ETFDH: variants seen among roughly 807,000 people sequenced by gnomAD.
ETFDH encodes the protein electron transfer flavoprotein-ubiquinone oxidoreductase, mitochondrial.
A neutral mutation model predicts 73.2 loss-of-function variants in ETFDH; 61 were observed. The observed-to-expected ratio is 0.83, with a 90% CI of 0.68 to 1.03. ETFDH has a LOEUF of 1.03. ETFDH is among the 50% of genes least tolerant of loss of function. ETFDH has a pLI of 0.00. For synonymous variants in ETFDH, 243 were observed against 253.3 expected (o/e 0.96, Z 0.39); for missense variants, 685 against 745.0 (o/e 0.92, Z 0.94).
intron 6 of ETFDH, among the ~76,000 whole-genome samples, chr4:158,694,931 C>T (rs1468030192): frequency 6.6e-6 from 1 of 152,178 alleles, no homozygotes; most frequent in Non-Finnish European, 1.5e-5. Flanking sequence ...TACCAAAATT[C>T]ATGCATACTC....
chr4:158,674,174 G>A (rs866411643), intron 1 of ETFDH, among the ~76,000 whole-genome samples: 8 of 152,006 alleles, frequency 5.3e-5, no homozygotes, highest in South Asian at 4.1e-4. Flanking sequence ...TTAAATATTC[G>A]TTATAGTGTA....
chr4:158,682,863 C>T lies in ETFDH; in HGVS notation c.405+439C>T, dbSNP rs1402727875. Among the ~76,000 whole-genome samples, 8 of 151,992 alleles carry T rather than the reference C, an allele frequency of 5.3e-5. No homozygotes were observed. In the South Asian group the frequency reaches 1.7e-3, roughly 32 times the overall value. ...GTAACTCTAAGGGAATAATTATATA[C>T]TTTTTAAATTAAAAAAAAATTTATA... On this transcript the variant is annotated intron_variant, in intron 3 of 12. Coordinates refer to ENST00000511912, the MANE Select transcript of ETFDH (RefSeq NM_004453.4).
chr4:158,698,467 C>A (rs1363025162), intron 8 of ETFDH, among the ~76,000 whole-genome samples: 1 of 152,066 alleles, frequency 6.6e-6, no homozygotes, highest in Non-Finnish European at 1.5e-5. Context: ...TTCTATATTT[C>A]TTTTCCTCTT....
At chr4:158,688,722 A>G (rs532534524) in intron 5 of ETFDH, among the ~76,000 whole-genome samples, 1 of 152,204 alleles carries the variant, frequency 6.6e-6, no homozygotes, top group South Asian at 2.1e-4. Flanking sequence ...AATTAGGCTT[A>G]AACCAAGACT....
chr4:158,673,620 G>A (rs1580388436), intron 1 of ETFDH, among the ~76,000 whole-genome samples: 1 of 152,152 alleles, frequency 6.6e-6, no homozygotes, highest in South Asian at 2.1e-4. Context: ...TAAGAAATTA[G>A]AACTTTGTTT....
intron 12 of ETFDH, among the ~76,000 whole-genome samples, chr4:158,707,332 C>T (rs921453813): frequency 2.6e-5 from 4 of 152,078 alleles, no homozygotes; most frequent in East Asian, 1.9e-4. Context: ...AATAGTATTC[C>T]GATACTCGAA....
chr4:158,695,619 A>T lies in ETFDH; in HGVS notation c.807A>T (p.Gln269His). 6.2e-7 allele frequency: 1 copy of T among 1,611,838 alleles called. No individual in the cohort carries two copies. Residue 269 changes from glutamine to histidine, a missense_variant, in exon 7 of 13, where the codon CAA becomes CAT. Physicochemically the swap from Gln to His is conservative, Grantham distance 24. Transcript: ENST00000511912. Reference sequence around the variant, plus strand: ...ATTTGAGAGCAAATTGTGAACCTCAAACCTACGGGATTGGACTGAAGGAGG... The same window carrying T: ...ATTTGAGAGCAAATTGTGAACCTCATACCTACGGGATTGGACTGAAGGAGG... ...KFDLRANCEP[Q>H]TYGIGLKELW...
In ETFDH at chr4:158,697,543, C is replaced by CTTTTTTTTTTTTTTTTTT; in HGVS notation, c.832-3_832-2insTTTTTTTTTTTTTTTTTT. The CTTTTTTTTTTTTTTTTTT allele has an allele frequency of 7.3e-7, 1 of 1,361,744 alleles. No individual in the cohort carries two copies. The highest frequency in any genetic ancestry group is 1.5e-5 in the African/African-American group (1 of 66,014). 84.4% of individuals were successfully genotyped at this position (1,361,744 alleles called of 1,614,324 possible). On this transcript the variant is annotated splice_polypyrimidine_tract_variant and intron_variant, in intron 7 of 12. Transcript: ENST00000511912. ...AAATACTGCAGGACTTTTTTGTTTG[C>CTTTTTTTTTTTTTTTTTT]TTTTTTTTTTTTTAGTTATGGGTTA...
chr4:158,708,285 T>G, intron 12 of ETFDH, 79 bp from the exon 13 acceptor site: 1 of 1,086,118 alleles, frequency 9.2e-7, no homozygotes, highest in Non-Finnish European at 1.4e-6. Context: ...CTGTGGCTAC[T>G]CTTTCCTTAA....
intron 5 of ETFDH, 119 bp from the exon 6 acceptor site, chr4:158,690,227 CTG>C (rs1296260579): frequency 3.0e-6 from 2 of 676,882 alleles, no homozygotes; most frequent in Non-Finnish European, 5.4e-6. Flanking sequence ...ATTTTAAACT[CTG>C]TATTTCTATA....
Position 158,703,435 on chromosome 4 carries a change from C to T in ETFDH, c.1129C>T (p.Leu377Phe). The T allele has an allele frequency of 6.2e-7, 1 of 1,611,086 alleles. No individual in the cohort carries two copies. Among genetic ancestry groups the T allele is most frequent in the African/African-American group, 1.3e-5 (1 of 74,976 alleles). ...TTTGTTTCCTCAGTCTATACCAAAA[C>T]TCACCTTTCCTGGTGGTTTACTAAT... is the stretch of plus-strand genomic sequence containing the variant. ...NEGGFQSIPK[L>F]TFPGGLLIGC... The change falls in exon 10 of 13, where the codon CTC (leucine) becomes TTC (phenylalanine). Residue 377 changes from leucine to phenylalanine, a missense_variant. Physicochemically the swap from Leu to Phe is conservative, Grantham distance 22. Around this residue, in one of 3 missense-constraint regions of ETFDH, gnomAD observed 79 missense variants for 120.5 expected, o/e 0.66. Transcript: ENST00000511912.
At chr4:158,698,271 G>A (rs1374303215) in intron 8 of ETFDH, among the ~76,000 whole-genome samples, 1 of 152,192 alleles carries the variant, frequency 6.6e-6, no homozygotes, top group Non-Finnish European at 1.5e-5. Context: ...CAGCTTTATA[G>A]TTTAGTGTCA....
At chr4:158,696,982 T>C (rs1774323161) in intron 7 of ETFDH, among the ~76,000 whole-genome samples, 1 of 152,266 alleles carries the variant, frequency 6.6e-6, no homozygotes, top group Admixed American at 6.5e-5. Flanking sequence ...ATCTATTTAA[T>C]GTCTTAAAGA....
chr4:158,692,858 T>TAA (rs1221153945), intron 6 of ETFDH, among the ~76,000 whole-genome samples: 2 of 98,584 alleles, frequency 2.0e-5, no homozygotes, highest in African/African-American at 3.6e-5. Context: ...AGACTCCATC[T>TAA]AAAAAAAAAA....
In ETFDH at chr4:158,697,667, G is replaced by A. The variant is rs201579588; in HGVS notation, c.940G>A (p.Glu314Lys). ...YGGSFLYHLN[E>K]GEPLVALGLV... The stretch of plus-strand genomic sequence containing the variant: ...AGGATCTTTCCTCTATCATTTGAAT[G>A]AAGGTGAACCCCTAGTAGCTCTTGG... Residue 314 changes from glutamate to lysine, a missense_variant, in exon 8 of 13, where the codon GAA becomes AAA. Glu to Lys is a moderately conservative substitution (Grantham distance 56). This residue lies in a region of ETFDH where 405 missense variants were observed against 399.3 expected (regional missense o/e 1.01). Coordinates refer to ENST00000511912, the MANE Select transcript of ETFDH (RefSeq NM_004453.4). The A allele has an allele frequency of 1.9e-6, 3 of 1,613,746 alleles. No individual in the cohort carries two copies. Among genetic ancestry groups the A allele is most frequent in the Non-Finnish European group, 2.5e-6 (3 of 1,179,788 alleles).
chr4:158,699,274 CT>C (rs1774397733), intron 9 of ETFDH, 144 bp downstream of exon 9: 5 of 756,112 alleles, frequency 6.6e-6, no homozygotes, highest in Non-Finnish European at 9.2e-6. Context: ...TCACACAATA[CT>C]TCAATTACAC....
rs143847326 is a variant in ETFDH, at chr4:158,696,316, G to A, written c.831+673G>A. ...GGTCCAGGAGTTCAAGACCTGCCTG[G>A]GCAATGTAGTGAGACCTCATCTCTA... On this transcript the variant is annotated intron_variant, in intron 7 of 12. Coordinates refer to ENST00000511912, the MANE Select transcript of ETFDH (RefSeq NM_004453.4). Among the ~76,000 whole-genome samples the A allele has an allele frequency of 3.3e-5, 5 of 152,176 alleles. No homozygotes were observed. In the East Asian group the frequency reaches 9.6e-4, roughly 29 times the overall value.
At chr4:158,678,516 A>G (rs78185981) in intron 1 of ETFDH, among the ~76,000 whole-genome samples, 1,775 of 152,250 alleles carry the variant, frequency 0.012, 27 homozygotes, top group African/African-American at 0.038. Flanking sequence ...GCTTAAAGTG[A>G]TATCTGCCAT....
chr4:158,672,653 C>T (rs1773605020), intron 1 of ETFDH, among the ~76,000 whole-genome samples, 163 bp downstream of exon 1: 2 of 152,158 alleles, frequency 1.3e-5, no homozygotes, highest in African/African-American at 4.8e-5. Context: ...ACCCTGGCTT[C>T]CTCCCTCTGG....
Sources: gnomAD v4.1 joint callset for allele counts (sites outside exome capture counted in the v4.1 genomes callset) on GRCh38, gnomAD v4.1.1 for gene constraint, gnomAD v4.1.1 regional missense constraint, MANE v1.5 for transcripts, NCBI Gene and HGNC (gene_info 2026-07-23, HGNC 2026-07-21) for gene names.